The following AGAP1 variants were observed in gnomAD, a reference collection of about 807,000 sequenced individuals.
The protein encoded by AGAP1 is arf-GAP with GTPase, ANK repeat and PH domain-containing protein 1.
In AGAP1, 29 loss-of-function variants were observed where a neutral mutation model predicts 105.3. The ratio of observed to expected loss-of-function variants is 0.28; its 90% CI spans 0.21 to 0.38. AGAP1 has a LOEUF of 0.38. AGAP1 is among the 10% of genes least tolerant of loss of function. The pLI is 1.00. For synonymous variants in AGAP1, 509 were observed against 485.9 expected, an observed-to-expected ratio of 1.05 and a Z score of -0.63; for missense variants, 998 against 1,165.1, an observed-to-expected ratio of 0.86 and a Z score of 2.09.
chr2:235,832,153 AGTT>A (rs1231142015), intron 9 of AGAP1, among the ~76,000 whole-genome samples: 1 of 151,896 alleles, frequency 6.6e-6, no homozygotes, highest in East Asian at 1.9e-4. Flanking sequence ...TTTTTAATTG[AGTT>A]GTTCACTTTC....
chr2:236,102,876 C>T (rs1042043419), intron 16 of AGAP1, among the ~76,000 whole-genome samples: 4 of 152,132 alleles, frequency 2.6e-5, no homozygotes, highest in Non-Finnish European at 2.9e-5. Flanking sequence ...TTTTGCCTTT[C>T]GCTAATAGTG....
At chr2:235,805,217 A>G (rs1957778015) in intron 8 of AGAP1, among the ~76,000 whole-genome samples, 1 of 152,166 alleles carries the variant, frequency 6.6e-6, no homozygotes, top group Non-Finnish European at 1.5e-5. Context: ...TATTTTTGCA[A>G]TGAAGTCTTA....
At chr2:235,773,658 C>T (rs1026899343) in intron 6 of AGAP1, among the ~76,000 whole-genome samples, 3 of 152,150 alleles carry the variant, frequency 2.0e-5, no homozygotes, top group Non-Finnish European at 1.5e-5. Context: ...GATTCTGATC[C>T]TTTTAAATAA....
intron 16 of AGAP1, among the ~76,000 whole-genome samples, chr2:236,094,954 C>T (rs540628180): frequency 6.8e-6 from 1 of 147,640 alleles, no homozygotes; most frequent in Non-Finnish European, 1.5e-5. Flanking sequence ...AAAAAATTAG[C>T]CTGGTGCAGC....
chr2:235,718,269 CAAGCAGTTTTCTA>C, intron 3 of AGAP1: 1 of 622,328 alleles, frequency 1.6e-6, no homozygotes, highest in South Asian at 7.2e-5. Flanking sequence ...GTGTAGTTGA[CAAGCAGTTTTCTA>C]AATGAAATTT....
Position 236,095,480 on chromosome 2 carries a change from A to T in AGAP1, c.2115-24712A>T, listed in dbSNP as rs1489564766. On this transcript the variant is annotated intron_variant, in intron 16 of 17. Coordinates refer to ENST00000304032, the MANE Select transcript of AGAP1 (RefSeq NM_001037131.3). This position sits in a 1 kb window ranked among gnomAD's most constrained non-coding sequence, Gnocchi z 4.1. Reference sequence around the variant, plus strand: ...GATCACTTGAGCACAGGAGTTTGAGACCAGCGTGGGCAACATAGTGAGATG... The same window carrying T: ...GATCACTTGAGCACAGGAGTTTGAGTCCAGCGTGGGCAACATAGTGAGATG... Among the ~76,000 whole-genome samples the T allele has an allele frequency of 6.6e-6, 1 of 152,092 alleles. No individual in the cohort carries two copies. Among genetic ancestry groups the T allele is most frequent in the Non-Finnish European group, 1.5e-5 (1 of 68,010 alleles).
At chr2:235,859,390 A>ACCCCCC (rs1464279454) in intron 9 of AGAP1, among the ~76,000 whole-genome samples, 1 of 21,386 alleles carries the variant, frequency 4.7e-5, no homozygotes, top group African/African-American at 1.1e-4. Flanking sequence ...TCCCCCCACA[A>ACCCCCC]CCTCCCCCCC....
At chr2:235,709,046 T>G in intron 1 of AGAP1, 133 bp from the exon 2 acceptor site, 4 of 854,488 alleles carry the variant, frequency 4.7e-6, no homozygotes, top group Non-Finnish European at 3.9e-6. Context: ...CTTTCTGGGG[T>G]GAGAGTGACA....
rs1306085431 is a variant in AGAP1 at position 235,701,946 on chromosome 2, C to A, written c.164-7233C>A. 6.6e-6 allele frequency among the ~76,000 whole-genome samples: 1 copy of A among 152,140 alleles called. No homozygotes were observed. Among genetic ancestry groups the A allele is most frequent in the Non-Finnish European group, 1.5e-5 (1 of 68,040 alleles). ...TTTAAACTAAAAATAAATGCTCCTC[C>A]CCTTTTCTGTGCTAAAAATAATAGT... On this transcript the variant is annotated intron_variant, in intron 1 of 17. Transcript: ENST00000304032. This position sits in a 1 kb window ranked among gnomAD's most constrained non-coding sequence, Gnocchi z 4.1.
At chr2:235,861,098 T>G (rs1289260515) in intron 9 of AGAP1, among the ~76,000 whole-genome samples, 1 of 152,254 alleles carries the variant, frequency 6.6e-6, no homozygotes, top group Non-Finnish European at 1.5e-5. Flanking sequence ...TAGTATGTAC[T>G]GTGTGAGTCT....
chr2:235,903,653 G>A (rs2051165007), intron 10 of AGAP1, among the ~76,000 whole-genome samples: 1 of 152,180 alleles, frequency 6.6e-6, no homozygotes, highest in African/African-American at 2.4e-5. Flanking sequence ...TACTGAGGAC[G>A]GGAGAGGCCA....
At position 235,849,631 on chromosome 2, in the gene AGAP1, A is replaced by G. The variant is rs1026917909; in HGVS notation, c.1051-33714A>G. 3.8e-4 allele frequency among the ~76,000 whole-genome samples: 53 copies of G among 139,184 alleles called. 1 individual carries two copies. Among genetic ancestry groups the G allele is most frequent in the Admixed American group, 2.6e-3 (33 of 12,456 alleles). 91.3% of individuals were successfully genotyped at this position (139,184 alleles called of 152,430 possible). ...CAGCCTCTGCAGCCACGACTTCTCCATGCTGCGGGGATGCTAGGCCTGGAT... is the reference window on the plus strand; with the variant it reads ...CAGCCTCTGCAGCCACGACTTCTCCGTGCTGCGGGGATGCTAGGCCTGGAT... On this transcript the variant is annotated intron_variant, in intron 9 of 17. Coordinates refer to ENST00000304032, the MANE Select transcript of AGAP1 (RefSeq NM_001037131.3).
Position 235,799,578 on chromosome 2 carries a change from C to A in AGAP1, c.957+56C>A. The A allele has an allele frequency of 6.3e-7, 1 of 1,579,752 alleles. No individual in the cohort carries two copies. The highest frequency in any genetic ancestry group is 8.7e-7 in the Non-Finnish European group (1 of 1,154,952). On this transcript the variant is annotated intron_variant, in intron 8 of 17. Transcript: ENST00000304032. The surrounding 1 kb of genome is among the most constrained non-coding windows in gnomAD (Gnocchi z 5.0). ...TGCGATTCCGAAGCGTTCCCATTAA[C>A]GTAAACCTGGTTGCCACATGGTTCA...
intron 3 of AGAP1, among the ~76,000 whole-genome samples, chr2:235,722,935 A>G (rs1951461714): frequency 6.6e-6 from 1 of 152,238 alleles, no homozygotes; most frequent in Admixed American, 6.5e-5. Flanking sequence ...TCATGTGTTA[A>G]GAAAGTTTAC....
chr2:235,770,104 T>TAC (rs1955304306), intron 6 of AGAP1, among the ~76,000 whole-genome samples: 1 of 151,214 alleles, frequency 6.6e-6, no homozygotes, highest in Non-Finnish European at 1.5e-5. Context: ...CACATATATA[T>TAC]ACACACACAT....
At position 236,082,556 on chromosome 2, in the gene AGAP1, ATTG is replaced by A. The variant is rs2058814710; in HGVS notation, c.2114+33276_2114+33278del. 6.6e-6 allele frequency among the ~76,000 whole-genome samples: 1 copy of A among 152,218 alleles called. No homozygotes were observed. Among genetic ancestry groups the A allele is most frequent in the South Asian group, 2.1e-4 (1 of 4,828 alleles). On this transcript the variant is annotated intron_variant, in intron 16 of 17. Transcript: ENST00000304032. The surrounding 1 kb of genome is among the most constrained non-coding windows in gnomAD (Gnocchi z 4.2). ...GGCAAACAGCTCACCTGCAGTGGTGATTGGTTTACAAAATTCACCTAGTTAAAG... is the reference window on the plus strand; with the variant it reads ...GGCAAACAGCTCACCTGCAGTGGTGAGTTTACAAAATTCACCTAGTTAAAG...
rs1011068858 is a variant in AGAP1, at chr2:235,679,035, G to A, written c.164-30144G>A. 1.9e-4 allele frequency among the ~76,000 whole-genome samples: 29 copies of A among 152,358 alleles called. No individual in the cohort carries two copies. The East Asian group carries it at 5.6e-3, about 29-fold the overall frequency. On this transcript the variant is annotated intron_variant, in intron 1 of 17. Coordinates refer to ENST00000304032, the MANE Select transcript of AGAP1 (RefSeq NM_001037131.3). The stretch of plus-strand genomic sequence containing the variant: ...CTCGAAAACTGATTTCAGGTGTGTG[G>A]ATAATACAATGATGGCGGCAAGAAA...
In AGAP1 at chr2:235,714,090, T is replaced by C. The variant is rs573306848; in HGVS notation, c.223-3467T>C. On this transcript the variant is annotated intron_variant, in intron 2 of 17. Transcript: ENST00000304032. This position sits in a 1 kb window ranked among gnomAD's most constrained non-coding sequence, Gnocchi z 4.1. ...GTGCGGTGGTGCAATCTCAGCTCAC[T>C]GCAACCTCTGCCTCCCGGGTTCAAG... Among the ~76,000 whole-genome samples, 1 of 152,308 alleles carries C rather than the reference T, an allele frequency of 6.6e-6. No homozygotes were observed. Among genetic ancestry groups the C allele is most frequent in the Non-Finnish European group, 1.5e-5 (1 of 68,022 alleles).
chr2:235,840,793 G>T lies in AGAP1; in HGVS notation c.1050+33462G>T, dbSNP rs187854239. Among the ~76,000 whole-genome samples the T allele has an allele frequency of 3.3e-5, 5 of 151,730 alleles. No individual in the cohort carries two copies. In the East Asian group the frequency reaches 7.8e-4, roughly 24 times the overall value. On this transcript the variant is annotated intron_variant, in intron 9 of 17. Transcript: ENST00000304032. ...GTTTTTTTTTTTTTTATAAATGAGG[G>T]ACACTTGTGCTGAAGGTATGTATTT... is the stretch of plus-strand genomic sequence containing the variant.
Sources: gnomAD v4.1 joint callset for allele counts (sites outside exome capture counted in the v4.1 genomes callset) on GRCh38, gnomAD v4.1.1 for gene constraint, Gnocchi (gnomAD v3.1) non-coding constraint, MANE v1.5 for transcripts, NCBI Gene and HGNC (gene_info 2026-07-23, HGNC 2026-07-21) for gene names.